Variants in AP1AR observed in about 807,000 individuals in gnomAD.
The protein encoded by AP1AR is AP-1 complex-associated regulatory protein.
A neutral mutation model predicts 46.3 loss-of-function variants in AP1AR; 29 were observed. The ratio of observed to expected loss-of-function variants is 0.63; its 90% CI spans 0.47 to 0.85. The LOEUF is 0.85. AP1AR is among the 40% of genes least tolerant of loss of function. The pLI is 0.00. For missense variants in AP1AR, 357 were observed against 356.3 expected (o/e 1.00, Z -0.02); for synonymous variants, 122 against 122.9 (o/e 0.99, Z 0.05).
rs1351793515 is a variant in AP1AR at position 112,232,160 on chromosome 4, AGGC to A, written c.78_80del (p.Gly28del). On this transcript the variant is annotated inframe_deletion, in exon 1 of 10. Transcript: ENST00000274000. ...AGGAAGCGGGGCGGCTGCAGCGAGT[AGGC>A]GGCGGCGGAGGGTAAGCCCGCTGGG... 1.6e-6 allele frequency: 2 copies of A among 1,283,836 alleles called. No homozygotes were observed. The highest frequency in any genetic ancestry group is 4.1e-5 in the Admixed American group (1 of 24,300). 79.5% of individuals were successfully genotyped at this position (1,283,836 alleles called of 1,614,324 possible).
chr4:112,254,553 A>G (rs1481164170), intron 2 of AP1AR, among the ~76,000 whole-genome samples, 194 bp from the exon 3 acceptor site: 5 of 152,230 alleles, frequency 3.3e-5, no homozygotes, highest in African/African-American at 7.2e-5. Context: ...TTAAAATAGT[A>G]TATGCTTGTC....
intron 8 of AP1AR, 29 bp from the exon 9 acceptor site, chr4:112,266,559 T>A: frequency 1.9e-6 from 3 of 1,600,960 alleles, no homozygotes; most frequent in Non-Finnish European, 2.6e-6. Context: ...TAGATGAGAG[T>A]ATTCAATTGT....
Position 112,246,701 on chromosome 4 carries a change from A to C in AP1AR, c.84-6507A>C, listed in dbSNP as rs116730300. ...GTAAAGACATTATTTTACTATAAGC[A>C]TAGAATAACAGGGTGGGAGGTGCTT... On this transcript the variant is annotated intron_variant, in intron 1 of 9. Transcript: ENST00000274000. Among the ~76,000 whole-genome samples, 1,267 of 152,320 alleles carry C rather than the reference A, an allele frequency of 8.3e-3. 9 individuals carry two copies. Among genetic ancestry groups the C allele is most frequent in the Admixed American group, 0.014 (214 of 15,300 alleles).
intron 5 of AP1AR, among the ~76,000 whole-genome samples, chr4:112,262,553 T>C (rs974316824): frequency 6.6e-6 from 1 of 152,240 alleles, no homozygotes; most frequent in African/African-American, 2.4e-5. Flanking sequence ...TGCATTGATG[T>C]TAATTAGATG....
At chr4:112,250,003 T>C (rs1419466937) in intron 1 of AP1AR, among the ~76,000 whole-genome samples, 1 of 152,244 alleles carries the variant, frequency 6.6e-6, no homozygotes, top group East Asian at 1.9e-4. Flanking sequence ...GACAGTTGTA[T>C]TGCCAGCATC....
At chr4:112,242,452 G>GA (rs11416283) in intron 1 of AP1AR, among the ~76,000 whole-genome samples, 91,966 of 150,632 alleles carry the variant, frequency 0.61, 29,314 homozygotes, top group African/African-American at 0.79. Context: ...ATTTATAAAA[G>GA]AAAAAAAAAG....
intron 1 of AP1AR, among the ~76,000 whole-genome samples, chr4:112,240,985 C>G (rs573507357): frequency 3.3e-5 from 5 of 152,156 alleles, no homozygotes; most frequent in Non-Finnish European, 5.9e-5. Context: ...AGATGCTGCA[C>G]ACAAATTGCA....
At chr4:112,237,755 G>A (rs1336391669) in intron 1 of AP1AR, among the ~76,000 whole-genome samples, 1 of 152,122 alleles carries the variant, frequency 6.6e-6, no homozygotes, top group African/African-American at 2.4e-5. Flanking sequence ...CACTGCGCCT[G>A]GCCTCTGTGA....
chr4:112,270,861 A>G lies in AP1AR; in HGVS notation c.*2452A>G, dbSNP rs1157888140. Among the ~76,000 whole-genome samples, 6 of 152,226 alleles carry G rather than the reference A, an allele frequency of 3.9e-5. No individual in the cohort carries two copies. Among genetic ancestry groups the G allele is most frequent in the Admixed American group, 3.9e-4 (6 of 15,282 alleles). On this transcript the variant is annotated 3_prime_UTR_variant, in exon 10 of 10. Coordinates refer to ENST00000274000, the MANE Select transcript of AP1AR (RefSeq NM_018569.6). ...TGAAATTTTTTGTAAGCAAGGATGT[A>G]CAGTCATCATATACACATTTTCAAA... is the stretch of plus-strand genomic sequence containing the variant.
intron 1 of AP1AR, among the ~76,000 whole-genome samples, chr4:112,234,338 T>C (rs1725151595): frequency 6.6e-6 from 1 of 152,200 alleles, no homozygotes; most frequent in Admixed American, 6.5e-5. Flanking sequence ...TTTTGGAACA[T>C]TTCAGATTTT....
chr4:112,236,518 A>C (rs1725248933), intron 1 of AP1AR, among the ~76,000 whole-genome samples: 1 of 151,344 alleles, frequency 6.6e-6, no homozygotes, highest in Non-Finnish European at 1.5e-5. Context: ...GTCTTGCCTC[A>C]GCTCCGCAAG....
At chr4:112,235,582 T>C (rs747270942) in intron 1 of AP1AR, among the ~76,000 whole-genome samples, 3 of 152,170 alleles carry the variant, frequency 2.0e-5, no homozygotes, top group African/African-American at 2.4e-5. Context: ...ATCTCACTTA[T>C]TCCTCCCCGC....
At chr4:112,259,958 T>TA (rs149212341) in intron 4 of AP1AR, among the ~76,000 whole-genome samples, 15 of 151,990 alleles carry the variant, frequency 9.9e-5, no homozygotes, top group Middle Eastern at 6.8e-3. Context: ...CCTTTTAAGA[T>TA]AAAAAAAAGT....
At chr4:112,238,322 T>C (rs758936988) in intron 1 of AP1AR, among the ~76,000 whole-genome samples, 6 of 152,220 alleles carry the variant, frequency 3.9e-5, no homozygotes, top group Non-Finnish European at 8.8e-5. Flanking sequence ...CTAAAGATAA[T>C]TCCCTAACTT....
chr4:112,253,355 T>C (rs1726044302), intron 2 of AP1AR, 99 bp downstream of exon 2: 1 of 833,616 alleles, frequency 1.2e-6, no homozygotes, highest in East Asian at 2.5e-5. Flanking sequence ...AAATTTAGAA[T>C]GGACTGTTTA....
chr4:112,266,750 T>G, intron 9 of AP1AR, 34 bp downstream of exon 9: 1 of 1,576,116 alleles, frequency 6.3e-7, no homozygotes, highest in Non-Finnish European at 8.6e-7. Context: ...CCTGAAAAAT[T>G]TAACGTAATC....
Position 112,272,311 on chromosome 4 carries a change from T to G in AP1AR, c.*3902T>G, listed in dbSNP as rs542418443. Among the ~76,000 whole-genome samples, 3 of 152,048 alleles carry G rather than the reference T, an allele frequency of 2.0e-5. No individual in the cohort carries two copies. In the South Asian group the frequency reaches 6.2e-4, roughly 32 times the overall value. ...GGAAGGGAAAATCTAACAGGAGACATCTTGAGCTCATGGGCAACAACTTCC... is the reference window on the plus strand; with the variant it reads ...GGAAGGGAAAATCTAACAGGAGACAGCTTGAGCTCATGGGCAACAACTTCC... On this transcript the variant is annotated 3_prime_UTR_variant, in exon 10 of 10. Coordinates refer to ENST00000274000, the MANE Select transcript of AP1AR (RefSeq NM_018569.6).
At chr4:112,237,989 C>T (rs1251954731) in intron 1 of AP1AR, among the ~76,000 whole-genome samples, 1 of 152,204 alleles carries the variant, frequency 6.6e-6, no homozygotes, top group Non-Finnish European at 1.5e-5. Flanking sequence ...TATGGTCTGT[C>T]ACAACTACTG....
At chr4:112,267,285 T>C (rs1028851285) in intron 9 of AP1AR, among the ~76,000 whole-genome samples, 40 of 151,932 alleles carry the variant, frequency 2.6e-4, no homozygotes, top group African/African-American at 9.4e-4. Context: ...TACAATCTCT[T>C]TGTGAATCCT....
Sources: allele counts gnomAD v4.1 joint callset (sites outside exome capture counted in the v4.1 genomes callset), GRCh38; gene constraint gnomAD v4.1.1; transcripts MANE v1.5; gene names NCBI Gene and HGNC (gene_info 2026-07-23, HGNC 2026-07-21).